Variants in GPC6 observed in about 807,000 individuals in gnomAD.
GPC6 encodes glypican-6.
In GPC6, 14 loss-of-function variants were observed where a neutral mutation model predicts 55.2. The ratio of observed to expected loss-of-function variants is 0.25; its 90% confidence interval spans 0.17 to 0.40. The LOEUF (loss-of-function observed/expected upper bound fraction) is 0.40, where lower values mean the gene tolerates loss of function less well. Ranked by LOEUF, GPC6 falls within the 10% of genes least tolerant of loss-of-function variation. The probability of loss-of-function intolerance (pLI) is 1.00; values close to 1 mark genes in which losing one functional copy is unlikely to be tolerated. For missense variants in GPC6, 641 were observed against 708.5 expected, an observed-to-expected ratio of 0.90 and a Z score of 1.08; for synonymous variants, 278 against 259.6, an observed-to-expected ratio of 1.07 and a Z score of -0.68.
At chr13:94,273,184 C>G (rs183182057) in intron 4 of GPC6, among the ~76,000 whole-genome samples, 55 of 152,290 alleles carry the variant, frequency 3.6e-4, no homozygotes, top group African/African-American at 1.3e-3. Context: ...CCAGAACTAA[C>G]AAAGGTTAAG....
intron 4 of GPC6, among the ~76,000 whole-genome samples, chr13:94,086,444 G>T (rs542739975): frequency 2.7e-5 from 4 of 150,650 alleles, no homozygotes; most frequent in African/African-American, 9.8e-5. Context: ...CTGGGGAGAG[G>T]CAGATCACAT....
intron 6 of GPC6, among the ~76,000 whole-genome samples, chr13:94,325,566 G>A (rs1005158790): frequency 4.6e-5 from 7 of 152,186 alleles, no homozygotes; most frequent in Admixed American, 3.3e-4. Context: ...ATGATTAGGA[G>A]TAAAAGCTAT....
intron 7 of GPC6, among the ~76,000 whole-genome samples, chr13:94,388,955 G>A (rs1252038179): frequency 6.6e-6 from 1 of 152,194 alleles, no homozygotes; most frequent in Non-Finnish European, 1.5e-5. Flanking sequence ...TATCAGAAGA[G>A]CTAATACAGG....
chr13:93,887,940 T>C (rs1875443465), intron 3 of GPC6, among the ~76,000 whole-genome samples: 1 of 152,170 alleles, frequency 6.6e-6, no homozygotes, highest in African/African-American at 2.4e-5. Context: ...TTGTGGCTTA[T>C]GGCCAGCAGT....
chr13:93,967,185 G>A (rs1880085935), intron 3 of GPC6, among the ~76,000 whole-genome samples: 1 of 152,188 alleles, frequency 6.6e-6, no homozygotes, highest in South Asian at 2.1e-4. Context: ...CAACTGCAGT[G>A]TGACAGTCAC....
chr13:94,018,934 C>A (rs551481934), intron 3 of GPC6, among the ~76,000 whole-genome samples: 1 of 152,168 alleles, frequency 6.6e-6, no homozygotes, highest in African/African-American at 2.4e-5. Context: ...ATCCCACAAC[C>A]ATTCCCCCAC....
chr13:93,897,845 T>G (rs1347654321), intron 3 of GPC6, among the ~76,000 whole-genome samples: 2 of 152,084 alleles, frequency 1.3e-5, no homozygotes, highest in Admixed American at 1.3e-4. Flanking sequence ...TGTAAAAAAT[T>G]CACTCATTCT....
chr13:93,507,080 A>C (rs1213931819), intron 1 of GPC6, among the ~76,000 whole-genome samples: 1 of 148,134 alleles, frequency 6.8e-6, no homozygotes, highest in African/African-American at 2.5e-5. Context: ...AAAAAAAAAA[A>C]AAAAAAAAAA....
At chr13:94,281,018 A>G (rs1187273193) in intron 4 of GPC6, among the ~76,000 whole-genome samples, 1 of 152,110 alleles carries the variant, frequency 6.6e-6, no homozygotes, top group East Asian at 1.9e-4. Context: ...AAAAGATTCT[A>G]AACTCCATGA....
At chr13:94,208,607 T>G (rs1000481386) in intron 4 of GPC6, among the ~76,000 whole-genome samples, 1 of 152,050 alleles carries the variant, frequency 6.6e-6, no homozygotes, top group Non-Finnish European at 1.5e-5. Context: ...GGATTTGTCC[T>G]TTTTGTTCTT....
chr13:93,989,550 G>T (rs999114013), intron 3 of GPC6, among the ~76,000 whole-genome samples: 1 of 152,152 alleles, frequency 6.6e-6, no homozygotes, highest in African/African-American at 2.4e-5. Context: ...AGGATTCTAA[G>T]ATAAAGTCTG....
chr13:94,188,121 CAGAGA>C (rs1327148971), intron 4 of GPC6: 1 of 152,182 alleles, frequency 6.6e-6, no homozygotes, highest in African/African-American at 2.4e-5. Context: ...TGCCAGTTCA[CAGAGA>C]AAAGTATGAA....
intron 3 of GPC6, among the ~76,000 whole-genome samples, chr13:93,872,624 T>G (rs1889163949): frequency 6.6e-6 from 1 of 151,942 alleles, no homozygotes; most frequent in Admixed American, 6.6e-5. Context: ...CTCCCATCTT[T>G]GCCTCCAGCT....
chr13:94,069,893 G>A (rs752974738), intron 4 of GPC6, among the ~76,000 whole-genome samples: 4 of 152,064 alleles, frequency 2.6e-5, no homozygotes, highest in South Asian at 4.1e-4. Flanking sequence ...ACGTTTTTCT[G>A]TCTTCTTCTC....
chr13:93,841,974 G>A (rs1887970269), intron 3 of GPC6, among the ~76,000 whole-genome samples: 1 of 151,918 alleles, frequency 6.6e-6, no homozygotes, highest in South Asian at 2.1e-4. Context: ...TTTTATAGTA[G>A]GTACAAATAC....
rs901525049 is a variant in GPC6, at chr13:94,218,780, A to G, written c.878-67569A>G. 3.9e-5 allele frequency among the ~76,000 whole-genome samples: 6 copies of G among 152,148 alleles called. No individual in the cohort carries two copies. In the South Asian group the frequency reaches 8.3e-4, roughly 21 times the overall value. On this transcript the variant is annotated intron_variant, in intron 4 of 8. Transcript: ENST00000377047. ...CAGTGGCTCTCAAACTTTACTTTGC[A>G]TAAGAATCACCTTGGGATACTCTTT...
At chr13:93,306,921 G>A (rs1052279633) in intron 1 of GPC6, among the ~76,000 whole-genome samples, 3 of 152,118 alleles carry the variant, frequency 2.0e-5, no homozygotes, top group South Asian at 4.1e-4. Context: ...ATAGGGTAGG[G>A]AGCATGTTCT....
chr13:94,203,238 C>T (rs1386214610), intron 4 of GPC6, among the ~76,000 whole-genome samples: 1 of 150,952 alleles, frequency 6.6e-6, no homozygotes, highest in Non-Finnish European at 1.5e-5. Flanking sequence ...ATTTATAGAA[C>T]TAGAATTTGT....
At chr13:93,431,247 G>C (rs1477137018) in intron 1 of GPC6, among the ~76,000 whole-genome samples, 1 of 151,954 alleles carries the variant, frequency 6.6e-6, no homozygotes, top group Non-Finnish European at 1.5e-5. Flanking sequence ...CTGTGATCAA[G>C]TCCTATGCAA....
Sources: gnomAD v4.1 joint callset for allele counts (sites outside exome capture counted in the v4.1 genomes callset) on GRCh38, gnomAD v4.1.1 for gene constraint, MANE v1.5 for transcripts, NCBI Gene and HGNC (gene_info 2026-07-23, HGNC 2026-07-21) for gene names.